The following SPEF2 variants were observed in gnomAD, a reference collection of about 807,000 sequenced individuals.
SPEF2 encodes the protein sperm flagella and cilia-associated protein 2.
SPEF2 carries 187 observed loss-of-function variants against 224.6 expected under a neutral mutation model. The observed-to-expected ratio is 0.83, with a 90% CI of 0.74 to 0.94. SPEF2 has a LOEUF of 0.94. Ranked by LOEUF, SPEF2 falls within the 40% of genes least tolerant of loss-of-function variation. The probability of loss-of-function intolerance (pLI) is 0.00; values close to 1 mark genes in which losing one functional copy is unlikely to be tolerated. For missense variants in SPEF2, 2,170 were observed against 2,135.6 expected (o/e 1.02, Z -0.32); for synonymous variants, 715 against 707.3 (o/e 1.01, Z -0.17).
chr5:35,708,776 G>A (rs187114044), intron 18 of SPEF2, among the ~76,000 whole-genome samples, 172 bp from the exon 19 acceptor site: 72 of 4,416 alleles, frequency 0.016, no homozygotes, highest in Non-Finnish European at 0.025. Flanking sequence ...AGGGAGAGAA[G>A]ACTTGAAATC....
At chr5:35,625,215 A>G (rs1580006702) in intron 1 of SPEF2, among the ~76,000 whole-genome samples, 1 of 152,300 alleles carries the variant, frequency 6.6e-6, no homozygotes, top group Non-Finnish European at 1.5e-5. Context: ...AACTACTCTG[A>G]CAATGAAGTA....
intron 28 of SPEF2, among the ~76,000 whole-genome samples, chr5:35,774,980 A>G (rs1403888954): frequency 1.3e-5 from 2 of 152,158 alleles, no homozygotes; most frequent in African/African-American, 4.8e-5. Flanking sequence ...AGTTCATTCC[A>G]TACATGATCC....
At chr5:35,679,684 C>T (rs911970138) in intron 10 of SPEF2, among the ~76,000 whole-genome samples, 9 of 152,216 alleles carry the variant, frequency 5.9e-5, no homozygotes, top group Non-Finnish European at 1.3e-4. Context: ...TACCCATTGA[C>T]ATGGGCTGCT....
At position 35,664,058 on chromosome 5, in the gene SPEF2, C is replaced by T. The variant is rs149287962; in HGVS notation, c.1168-3014C>T. On this transcript the variant is annotated intron_variant, in intron 8 of 36. Transcript: ENST00000356031. ...TCATTTCTTCTACTTTGCCCCTCTTCCCAAGTGCCTTCACCCAATTAATAC... is the reference window on the plus strand; with the variant it reads ...TCATTTCTTCTACTTTGCCCCTCTTTCCAAGTGCCTTCACCCAATTAATAC... Among the ~76,000 whole-genome samples, 143 of 152,268 alleles carry T rather than the reference C, an allele frequency of 9.4e-4. 1 individual carries two copies. Among genetic ancestry groups the T allele is most frequent in the Non-Finnish European group, 8.2e-4 (56 of 68,024 alleles).
chr5:35,663,437 C>T (rs895940421), intron 8 of SPEF2, among the ~76,000 whole-genome samples: 4 of 152,128 alleles, frequency 2.6e-5, no homozygotes, highest in Non-Finnish European at 5.9e-5. Context: ...TTCAATGTTC[C>T]ATAGCTCAAC....
At chr5:35,775,258 C>CA (rs138647522) in intron 28 of SPEF2, among the ~76,000 whole-genome samples, 22 of 150,824 alleles carry the variant, frequency 1.5e-4, no homozygotes, top group African/African-American at 4.9e-4. Context: ...GATCCTGTCT[C>CA]AAAAAAAAAT....
intron 6 of SPEF2, among the ~76,000 whole-genome samples, chr5:35,653,477 G>A (rs373314536): frequency 1.3e-5 from 2 of 152,156 alleles, no homozygotes; most frequent in South Asian, 4.1e-4. Context: ...GTACATAGAA[G>A]TATTCTAGTG....
chr5:35,665,532 T>C (rs1008888066), intron 8 of SPEF2, among the ~76,000 whole-genome samples: 1 of 152,086 alleles, frequency 6.6e-6, no homozygotes, highest in Non-Finnish European at 1.5e-5. Flanking sequence ...AGCTATACTA[T>C]TACTGGTAGG....
intron 8 of SPEF2, among the ~76,000 whole-genome samples, chr5:35,663,848 C>A (rs1334659457): frequency 6.6e-6 from 1 of 152,160 alleles, no homozygotes; most frequent in Non-Finnish European, 1.5e-5. Flanking sequence ...GGTGCAAGCC[C>A]AGTACTATTG....
chr5:35,656,066 A>G (rs926120170), intron 7 of SPEF2, among the ~76,000 whole-genome samples: 11 of 152,142 alleles, frequency 7.2e-5, no homozygotes, highest in African/African-American at 2.7e-4. Flanking sequence ...TAAACAAGGG[A>G]AAGTGAAAAA....
At chr5:35,798,330 G>A (rs984999739) in intron 33 of SPEF2, among the ~76,000 whole-genome samples, 8 of 152,058 alleles carry the variant, frequency 5.3e-5, no homozygotes, top group Non-Finnish European at 8.8e-5. Context: ...TGCTCCCTTT[G>A]CCAATTCTGC....
chr5:35,667,141 A>G lies in SPEF2; in HGVS notation c.1237A>G (p.Ile413Val). The change falls in exon 9 of 37, where the codon ATT becomes GTT. Residue 413 changes from isoleucine (I) to valine (V), a missense_variant. Ile to Val is a conservative substitution (Grantham distance 29). Transcript: ENST00000356031. ...TAAAGAAAAGAGATTTCATGATCAGATTGCTGTGGAAAGAGCTCAAGCTCG... is the reference window on the plus strand; with the variant it reads ...TAAAGAAAAGAGATTTCATGATCAGGTTGCTGTGGAAAGAGCTCAAGCTCG... ...FLKEKRFHDQ[I>V]AVERAQARYE... 2 of 1,612,058 alleles carry G rather than the reference A, an allele frequency of 1.2e-6. No individual in the cohort carries two copies. Among genetic ancestry groups the G allele is most frequent in the African/African-American group, 1.3e-5 (1 of 74,992 alleles).
At chr5:35,694,248 A>T in intron 12 of SPEF2, 40 bp from the exon 13 acceptor site, 1 of 1,492,716 alleles carries the variant, frequency 6.7e-7, no homozygotes, top group Non-Finnish European at 9.3e-7. Context: ...AAAATATAGC[A>T]ATGGTAAAAT....
At chr5:35,754,359 A>G (rs889698878) in intron 24 of SPEF2, among the ~76,000 whole-genome samples, 1 of 152,174 alleles carries the variant, frequency 6.6e-6, no homozygotes, top group African/African-American at 2.4e-5. Flanking sequence ...GCCAAGACAA[A>G]GGGCTAGAGA....
At chr5:35,728,345 C>T (rs1055585499) in intron 21 of SPEF2, among the ~76,000 whole-genome samples, 1 of 152,196 alleles carries the variant, frequency 6.6e-6, no homozygotes, top group African/African-American at 2.4e-5. Flanking sequence ...CTGAAAGCTC[C>T]GCCTAGCTCA....
At chr5:35,691,788 T>C (rs1405634391) in intron 11 of SPEF2, among the ~76,000 whole-genome samples, 1 of 152,108 alleles carries the variant, frequency 6.6e-6, no homozygotes, top group East Asian at 1.9e-4. Context: ...TTATCTTTGT[T>C]TTATTTTTAT....
chr5:35,690,348 G>A (rs1168724591), intron 10 of SPEF2, among the ~76,000 whole-genome samples: 1 of 152,074 alleles, frequency 6.6e-6, no homozygotes, highest in Admixed American at 6.6e-5. Flanking sequence ...TTTCCTATGT[G>A]TACAGTTTGA....
At chr5:35,652,409 G>A (rs1748331904) in intron 6 of SPEF2, among the ~76,000 whole-genome samples, 1 of 152,066 alleles carries the variant, frequency 6.6e-6, no homozygotes, top group African/African-American at 2.4e-5. Flanking sequence ...ATCTAAAAGT[G>A]TTACGCTACA....
At chr5:35,753,260 TCCA>T (rs1276446188) in intron 23 of SPEF2, among the ~76,000 whole-genome samples, 1 of 152,162 alleles carries the variant, frequency 6.6e-6, no homozygotes, top group Middle Eastern at 3.2e-3. Context: ...CATATTTTTT[TCCA>T]CCACCAATTG....
Sources: gnomAD v4.1 joint callset for allele counts (sites outside exome capture counted in the v4.1 genomes callset) on GRCh38, gnomAD v4.1.1 for gene constraint, MANE v1.5 for transcripts, NCBI Gene and HGNC (gene_info 2026-07-23, HGNC 2026-07-21) for gene names.